Variants in VAPB observed in about 807,000 individuals in gnomAD.
The protein encoded by VAPB is vesicle-associated membrane protein-associated protein B/C.
In VAPB, 7 loss-of-function variants were observed where a neutral mutation model predicts 25.6. The ratio of observed to expected loss-of-function variants is 0.27; its 90% CI spans 0.16 to 0.51. The LOEUF (loss-of-function observed/expected upper bound fraction) is 0.51. Among genes scored for constraint, VAPB ranks in the 20% least tolerant of loss-of-function variants. The pLI, the probability that VAPB is intolerant of heterozygous loss-of-function variation, is 0.97. For synonymous variants in VAPB, 112 were observed against 109.2 expected, an observed-to-expected ratio of 1.03 and a Z score of -0.16; for missense variants, 266 against 301.3, an observed-to-expected ratio of 0.88 and a Z score of 0.87.
At chr20:58,403,774 C>G (rs1988156070) in intron 1 of VAPB, among the ~76,000 whole-genome samples, 1 of 152,232 alleles carries the variant, frequency 6.6e-6, no homozygotes, top group African/African-American at 2.4e-5. Flanking sequence ...CTGGACATCC[C>G]TGTCTATCTG....
At chr20:58,403,364 A>G (rs925905309) in intron 1 of VAPB, among the ~76,000 whole-genome samples, 7 of 152,168 alleles carry the variant, frequency 4.6e-5, no homozygotes, top group Non-Finnish European at 8.8e-5. Context: ...GCCTACAAAC[A>G]TGCTTAAGTT....
At chr20:58,404,697 G>A (rs951147455) in intron 1 of VAPB, among the ~76,000 whole-genome samples, 1 of 152,090 alleles carries the variant, frequency 6.6e-6, no homozygotes, top group Admixed American at 6.6e-5. Flanking sequence ...GAATAGATTG[G>A]TACTGTTAAA....
At chr20:58,397,450 C>T (rs570579019) in intron 1 of VAPB, among the ~76,000 whole-genome samples, 4 of 150,628 alleles carry the variant, frequency 2.7e-5, no homozygotes, top group South Asian at 2.1e-4. Context: ...ACCTGGAAGA[C>T]GGAGGTTGCG....
At chr20:58,441,173 A>G in intron 5 of VAPB, 90 bp downstream of exon 5, 5 of 1,418,422 alleles carry the variant, frequency 3.5e-6, no homozygotes, top group Non-Finnish European at 4.9e-6. Flanking sequence ...GTGAATATAT[A>G]GATTTCTTTT....
chr20:58,413,037 A>G (rs1350570502), intron 1 of VAPB, among the ~76,000 whole-genome samples: 1 of 151,756 alleles, frequency 6.6e-6, no homozygotes, highest in African/African-American at 2.4e-5. Flanking sequence ...CCAGAACTTT[A>G]TACATCTTAA....
intron 1 of VAPB, among the ~76,000 whole-genome samples, chr20:58,404,356 T>C (rs948363838): frequency 3.9e-5 from 6 of 152,138 alleles, no homozygotes; most frequent in Non-Finnish European, 5.9e-5. Context: ...AAGCCCCTTA[T>C]AGCGTTATCA....
intron 2 of VAPB, 143 bp from the exon 3 acceptor site, chr20:58,434,459 T>C: frequency 1.5e-6 from 1 of 666,654 alleles, no homozygotes; most frequent in Admixed American, 2.1e-5. Flanking sequence ...TTGGTCATCC[T>C]TGCTTACTTC....
Position 58,448,115 on chromosome 20 carries a change from G to T in VAPB, c.*3880G>T, listed in dbSNP as rs1400125499. The T allele has an allele frequency of 6.6e-6, 3 of 453,918 alleles. No homozygotes were observed. Among genetic ancestry groups the T allele is most frequent in the African/African-American group, 6.0e-5 (3 of 49,956 alleles). 28.1% of individuals were successfully genotyped at this position (453,918 alleles called of 1,614,324 possible). A position where few individuals can be genotyped will look rare whatever the true frequency, so the allele number is the denominator to read the frequency against. ...TTAATTAACACTTGGGGCCATGTTT[G>T]CTGTTGTTGAGAAGGAGTGTTCTCA... On this transcript the variant is annotated 3_prime_UTR_variant, in exon 6 of 6. Transcript: ENST00000475243.
At position 58,400,448 on chromosome 20, in the gene VAPB, T is replaced by A. The variant is rs184647382; in HGVS notation, c.58+10931T>A. Among the ~76,000 whole-genome samples, 18 of 152,366 alleles carry A rather than the reference T, an allele frequency of 1.2e-4. No individual in the cohort carries two copies. In the East Asian group the frequency reaches 3.1e-3, roughly 26 times the overall value. ...TTACTGTTTGAAAGCTCACTACTTG[T>A]ATTAACCTTTCCTGAGTATTCTTGG... is the stretch of plus-strand genomic sequence containing the variant. On this transcript the variant is annotated intron_variant, in intron 1 of 5. Coordinates refer to ENST00000475243, the MANE Select transcript of VAPB (RefSeq NM_004738.5).
rs1397412590 is a variant in VAPB, at chr20:58,445,670, T to G, written c.*1435T>G. On this transcript the variant is annotated 3_prime_UTR_variant, in exon 6 of 6. Transcript: ENST00000475243. ...AGCCCTATCACTGAGAAATACGTGT[T>G]TCATGATTTAACTCTGTGTGTGTGT... 3 of 453,866 alleles carry G rather than the reference T, an allele frequency of 6.6e-6. No individual in the cohort carries two copies. Among genetic ancestry groups the G allele is most frequent in the South Asian group, 3.1e-5 (2 of 64,450 alleles). 28.1% of individuals were successfully genotyped at this position (453,866 alleles called of 1,614,324 possible). A position where few individuals can be genotyped will look rare whatever the true frequency, so the allele number is the denominator to read the frequency against.
chr20:58,407,967 G>C (rs1283123939), intron 1 of VAPB, among the ~76,000 whole-genome samples: 1 of 151,690 alleles, frequency 6.6e-6, no homozygotes, highest in African/African-American at 2.4e-5. Flanking sequence ...TTTTTTTTCA[G>C]GTAGCTTTCC....
At position 58,418,265 on chromosome 20, in the gene VAPB, G is replaced by A. The variant is rs995683399; in HGVS notation, c.113G>A (p.Arg38Gln). 1.9e-5 allele frequency: 30 copies of A among 1,614,022 alleles called. No homozygotes were observed. The highest frequency in any genetic ancestry group is 2.7e-5 in the African/African-American group (2 of 74,892). Reference protein sequence around the residue: ...TNLKLGNPTDRNVCFKVKTTA... With the variant: ...TNLKLGNPTDQNVCFKVKTTA... ...CTAAAGCTTGGCAACCCGACAGACC[G>A]AAATGTGTGTTTTAAGGTGAAGACT... is the stretch of plus-strand genomic sequence containing the variant. Residue 38 changes from arginine to glutamine, a missense_variant, in exon 2 of 6, where the codon CGA becomes CAA. Arg to Gln is a conservative substitution (Grantham distance 43). This residue lies in a region of VAPB where 98 missense variants were observed against 147.1 expected (regional missense o/e 0.67). Coordinates refer to ENST00000475243, the MANE Select transcript of VAPB (RefSeq NM_004738.5).
At chr20:58,441,470 T>C (rs1989161096) in intron 5 of VAPB, among the ~76,000 whole-genome samples, 1 of 152,126 alleles carries the variant, frequency 6.6e-6, no homozygotes, top group South Asian at 2.1e-4. Context: ...TGAAACCCCG[T>C]CTCTAATAAA....
rs1989290938 is a variant in VAPB at position 58,446,281 on chromosome 20, T to C, written c.*2046T>C. ...GGCATGTGCCTTCTGCCACCTGACT[T>C]TCCGTGAGGGGACTAAAATTTACTA... On this transcript the variant is annotated 3_prime_UTR_variant, in exon 6 of 6. Coordinates refer to ENST00000475243, the MANE Select transcript of VAPB (RefSeq NM_004738.5). 1 of 453,948 alleles carries C rather than the reference T, an allele frequency of 2.2e-6. No individual in the cohort carries two copies. The highest frequency in any genetic ancestry group is 4.4e-6 in the Non-Finnish European group (1 of 226,798). 28.1% of individuals were successfully genotyped at this position (453,948 alleles called of 1,614,324 possible).
rs914956197 is a variant in VAPB at position 58,389,237 on chromosome 20, T to C, written c.-223T>C. On this transcript the variant is annotated 5_prime_UTR_variant, in exon 1 of 6. Transcript: ENST00000475243. ...TGCGTGCGTGCGTGCGTGCGTGCCG[T>C]CAGCTCGCCGGGCACCGCGGCCTCG... 2.3e-5 allele frequency: 15 copies of C among 645,546 alleles called. No individual in the cohort carries two copies. The highest frequency in any genetic ancestry group is 4.2e-5 in the Admixed American group (2 of 47,144). 40.0% of individuals were successfully genotyped at this position (645,546 alleles called of 1,614,324 possible). A position where few individuals can be genotyped will look rare whatever the true frequency, so the allele number is the denominator to read the frequency against.
At chr20:58,421,630 C>G (rs942960184) in intron 2 of VAPB, among the ~76,000 whole-genome samples, 10 of 151,908 alleles carry the variant, frequency 6.6e-5, no homozygotes, top group Admixed American at 2.0e-4. Flanking sequence ...TTCTGAAAAC[C>G]CTTGGAATGC....
chr20:58,439,400 A>G, intron 4 of VAPB: 1 of 256,290 alleles, frequency 3.9e-6, no homozygotes, highest in South Asian at 4.8e-5. Flanking sequence ...GAAGCTTTCA[A>G]GTTCTCTTGT....
intron 4 of VAPB, chr20:58,439,424 C>G (rs934553565): frequency 3.8e-6 from 1 of 262,068 alleles, no homozygotes; most frequent in Non-Finnish European, 7.5e-6. Context: ...ACAAAGTGCC[C>G]TGTCAGCCTC....
intron 1 of VAPB, among the ~76,000 whole-genome samples, chr20:58,394,574 GC>G (rs11478373): frequency 0.037 from 5,601 of 152,300 alleles, 218 homozygotes; most frequent in African/African-American, 0.094. Context: ...TAAGTAGCTT[GC>G]TTATCAAAAG....
Sources: gnomAD v4.1 joint callset for allele counts (sites outside exome capture counted in the v4.1 genomes callset) on GRCh38, gnomAD v4.1.1 for gene constraint, gnomAD v4.1.1 regional missense constraint, MANE v1.5 for transcripts, NCBI Gene and HGNC (gene_info 2026-07-23, HGNC 2026-07-21) for gene names.